Variants in ROBO2 observed in about 807,000 individuals in gnomAD.
The protein encoded by ROBO2 is roundabout homolog 2.
Under a neutral mutation model 160.8 loss-of-function variants are expected in ROBO2, and 53 were observed. The observed-to-expected ratio is 0.33, with a 90% confidence interval of 0.26 to 0.41. The LOEUF (loss-of-function observed/expected upper bound fraction) is 0.41, where lower values mean the gene tolerates loss of function less well. Among genes scored for constraint, ROBO2 ranks in the 10% least tolerant of loss-of-function variants. The pLI, the probability that ROBO2 is intolerant of heterozygous loss-of-function variation, is 1.00. For synonymous variants in ROBO2, 664 were observed against 611.7 expected, an observed-to-expected ratio of 1.09 and a Z score of -1.26; for missense variants, 1,577 against 1,722.4, an observed-to-expected ratio of 0.92 and a Z score of 1.49.
rs1386207203 is a variant in ROBO2 at position 77,199,255 on chromosome 3, G to T, written c.388+100915G>T. Among the ~76,000 whole-genome samples, 2 of 152,134 alleles carry T rather than the reference G, an allele frequency of 1.3e-5. 1 individual carries two copies. Among genetic ancestry groups the T allele is most frequent in the South Asian group, 4.1e-4 (2 of 4,832 alleles). On this transcript the variant is annotated intron_variant, in intron 2 of 25. Transcript: ENST00000461745. ...ATGCAATTGTTTTCCCTCTTATTTT[G>T]CCATACCTTGGAGTTTTTATCTAAC...
intron 2 of ROBO2, among the ~76,000 whole-genome samples, chr3:77,456,925 A>G (rs73103644): frequency 6.6e-6 from 1 of 152,232 alleles, no homozygotes; most frequent in Non-Finnish European, 1.5e-5. Flanking sequence ...CTGAGCACCA[A>G]TTTCCCTCTC....
At chr3:77,329,070 A>T (rs1339020050) in intron 2 of ROBO2, among the ~76,000 whole-genome samples, 1 of 152,046 alleles carries the variant, frequency 6.6e-6, no homozygotes, top group African/African-American at 2.4e-5. Flanking sequence ...TCTCCCTAAA[A>T]CCCACATGCT....
At chr3:76,333,013 A>G (rs983677972) in intron 2 of ROBO2, among the ~76,000 whole-genome samples, 1 of 152,170 alleles carries the variant, frequency 6.6e-6, no homozygotes, top group African/African-American at 2.4e-5. Flanking sequence ...GGTGACACCC[A>G]AGAATTTGCT....
At chr3:77,295,148 T>C (rs1425174519) in intron 2 of ROBO2, among the ~76,000 whole-genome samples, 44 of 149,966 alleles carry the variant, frequency 2.9e-4, no homozygotes, top group African/African-American at 1.1e-3. Flanking sequence ...TAAAGTAAAA[T>C]TGACGGTTAA....
intron 2 of ROBO2, among the ~76,000 whole-genome samples, chr3:76,829,467 T>C (rs1162695504): frequency 6.6e-6 from 1 of 151,822 alleles, no homozygotes; most frequent in Non-Finnish European, 1.5e-5. Flanking sequence ...ACCCCAGAAC[T>C]GAAAGTATAA....
chr3:76,377,515 CAG>C (rs991803926), intron 2 of ROBO2, among the ~76,000 whole-genome samples: 3 of 152,140 alleles, frequency 2.0e-5, no homozygotes, highest in African/African-American at 7.2e-5. Context: ...AAGTGATGTG[CAG>C]AGTTGTGATA....
chr3:77,252,831 A>AAAAATATATATATATATATATATATAT, intron 2 of ROBO2, among the ~76,000 whole-genome samples: 2 of 12,520 alleles, frequency 1.6e-4, no homozygotes, highest in Non-Finnish European at 2.1e-4. Context: ...AAAAAAAAAA[A>AAAAATATATATATATATATATATATAT]ATATATATAT....
chr3:76,821,928 C>G (rs1332653775), intron 2 of ROBO2, among the ~76,000 whole-genome samples: 1 of 151,834 alleles, frequency 6.6e-6, no homozygotes, highest in Admixed American at 6.6e-5. Flanking sequence ...CTCTCATATG[C>G]CATTGCAAAA....
rs189226479 is a variant in ROBO2 at position 76,168,688 on chromosome 3, G to A, written c.109+231086G>A. 5.9e-3 allele frequency among the ~76,000 whole-genome samples: 904 copies of A among 152,088 alleles called. 7 individuals are homozygous for A. The highest frequency in any genetic ancestry group is 9.8e-3 in the Non-Finnish European group (668 of 67,982). ...ACAACACCCTTCAAGATTAACACAA[G>A]CATCTTAACTAAAAACGTAGTAGTA... is the stretch of plus-strand genomic sequence containing the variant. On this transcript the variant is annotated intron_variant, in intron 2 of 26. Coordinates refer to the ROBO2 transcript ENST00000487694.
chr3:77,610,482 C>T (rs942008257), intron 21 of ROBO2, among the ~76,000 whole-genome samples: 9 of 151,812 alleles, frequency 5.9e-5, no homozygotes, highest in African/African-American at 1.9e-4. Flanking sequence ...TCATATATAC[C>T]AGGGAAGCCA....
chr3:77,252,831 A>AAAAAAAAAAAAAAATATATATATATATAT, intron 2 of ROBO2, among the ~76,000 whole-genome samples: 1 of 12,518 alleles, frequency 8.0e-5, no homozygotes, highest in African/African-American at 1.6e-4. Context: ...AAAAAAAAAA[A>AAAAAAAAAAAAAAATATATATATATATAT]ATATATATAT....
intron 2 of ROBO2, among the ~76,000 whole-genome samples, chr3:76,129,894 T>A (rs561787253): frequency 2.8e-4 from 42 of 152,174 alleles, no homozygotes; most frequent in African/African-American, 9.6e-4. Context: ...ATCATTTTGA[T>A]ATATTTTAGT....
chr3:75,989,066 CTT>C lies in ROBO2; in HGVS notation c.109+51466_109+51467del, dbSNP rs1169724767. Among the ~76,000 whole-genome samples the C allele has an allele frequency of 2.6e-5, 4 of 152,086 alleles. No individual in the cohort carries two copies. In the South Asian group the frequency reaches 6.2e-4, roughly 24 times the overall value. On this transcript the variant is annotated intron_variant, in intron 2 of 26. Coordinates refer to the ROBO2 transcript ENST00000487694. Reference sequence around the variant, plus strand: ...GTTTTAAAAATGTGTTTTTGCTACTCTTTATATTTCCATGAAGTATTGCATTA... The same window carrying C: ...GTTTTAAAAATGTGTTTTTGCTACTCTATATTTCCATGAAGTATTGCATTA...
intron 2 of ROBO2, among the ~76,000 whole-genome samples, chr3:77,419,897 G>A (rs2077563515): frequency 6.6e-6 from 1 of 152,092 alleles, no homozygotes; most frequent in Non-Finnish European, 1.5e-5. Flanking sequence ...GTGTATTCCT[G>A]AAAATAGGTG....
chr3:77,345,443 T>A (rs1459743187), intron 2 of ROBO2, among the ~76,000 whole-genome samples: 1 of 152,156 alleles, frequency 6.6e-6, no homozygotes, highest in African/African-American at 2.4e-5. Context: ...GAGATGGAGA[T>A]AATTGGTGGA....
At chr3:76,465,998 G>GGGGTGT (rs143188456) in intron 2 of ROBO2, among the ~76,000 whole-genome samples, 10 of 147,566 alleles carry the variant, frequency 6.8e-5, no homozygotes, top group South Asian at 2.1e-4. Flanking sequence ...ATAAAATATG[G>GGGGTGT]GTGTGTGTGT....
intron 2 of ROBO2, among the ~76,000 whole-genome samples, chr3:76,833,130 C>A (rs2067230306): frequency 6.6e-6 from 1 of 152,118 alleles, no homozygotes; most frequent in Non-Finnish European, 1.5e-5. Context: ...TTAATTCTTA[C>A]AAAATGTGGG....
intron 2 of ROBO2, among the ~76,000 whole-genome samples, chr3:76,436,824 C>T (rs1355616949): frequency 6.6e-6 from 1 of 152,136 alleles, no homozygotes; most frequent in Non-Finnish European, 1.5e-5. Context: ...TGGAAGGTAA[C>T]TTTAGCTTGA....
At position 77,206,874 on chromosome 3, in the gene ROBO2, T is replaced by G. The variant is rs544114958; in HGVS notation, c.388+108534T>G. On this transcript the variant is annotated intron_variant, in intron 2 of 25. Transcript: ENST00000461745. ...ATGAAACCATTCAAGAATTCCAGAA[T>G]CCATTGATGAAAGAAGAAAAACATA... is the stretch of plus-strand genomic sequence containing the variant. Among the ~76,000 whole-genome samples the G allele has an allele frequency of 5.3e-5, 8 of 152,212 alleles. No individual in the cohort carries two copies. The East Asian group carries it at 1.6e-3, about 30-fold the overall frequency.
Sources: gnomAD v4.1 joint callset for allele counts (sites outside exome capture counted in the v4.1 genomes callset) on GRCh38, gnomAD v4.1.1 for gene constraint, MANE v1.5 for transcripts, NCBI Gene and HGNC (gene_info 2026-07-23, HGNC 2026-07-21) for gene names.